Variants in IFT43 observed in about 807,000 individuals in gnomAD.
IFT43 encodes intraflagellar transport 43.
Under a neutral mutation model 32.3 loss-of-function variants are expected in IFT43, and 33 were observed. The observed-to-expected ratio is 1.02, with a 90% CI of 0.77 to 1.37. IFT43 has a LOEUF of 1.37. IFT43 is among the 40% of genes most tolerant of loss of function. IFT43 has a pLI of 0.00. For synonymous variants in IFT43, 93 were observed against 98.2 expected, an observed-to-expected ratio of 0.95 and a Z score of 0.31; for missense variants, 274 against 265.9, an observed-to-expected ratio of 1.03 and a Z score of -0.21.
At position 76,006,260 on chromosome 14, in the gene IFT43, G is replaced by A. The variant is rs568009244; in HGVS notation, c.148-16067G>A. Among the ~76,000 whole-genome samples, 10 of 152,312 alleles carry A rather than the reference G, an allele frequency of 6.6e-5. No individual in the cohort carries two copies. The East Asian group carries it at 9.7e-4, about 15-fold the overall frequency. The stretch of plus-strand genomic sequence containing the variant: ...AAAGGCCTCTAGAGTTAGAGAGGTC[G>A]GCAGTGTGCTGTTTCAAGGGCAGGA... On this transcript the variant is annotated intron_variant, in intron 2 of 8. Transcript: ENST00000314067.
At chr14:76,040,376 A>G (rs2036684333) in intron 3 of IFT43, among the ~76,000 whole-genome samples, 1 of 152,232 alleles carries the variant, frequency 6.6e-6, no homozygotes, top group African/African-American at 2.4e-5. Context: ...TTGTGTATTC[A>G]TGTGATAGTA....
intron 5 of IFT43, among the ~76,000 whole-genome samples, chr14:76,067,603 G>A (rs79578421): frequency 1.6e-4 from 25 of 151,858 alleles, no homozygotes; most frequent in Non-Finnish European, 2.9e-4. Context: ...GAGAGAAGGC[G>A]CTTTGAAGAT....
At chr14:76,058,918 G>T in intron 4 of IFT43, 1 of 1,454,636 alleles carries the variant, frequency 6.9e-7, no homozygotes. Context: ...ATATGTCCAG[G>T]TATCAGGGTA....
chr14:76,077,347 G>T (rs1423063214), intron 5 of IFT43, among the ~76,000 whole-genome samples: 4 of 152,174 alleles, frequency 2.6e-5, no homozygotes, highest in Admixed American at 2.6e-4. Context: ...GGCAGCTTTA[G>T]GACTCAGTAG....
At chr14:76,035,002 A>G (rs760460317) in intron 3 of IFT43, among the ~76,000 whole-genome samples, 17 of 152,236 alleles carry the variant, frequency 1.1e-4, no homozygotes, top group Non-Finnish European at 2.4e-4. Flanking sequence ...GTTTTGTCTC[A>G]AAGTGTCTGT....
At chr14:76,055,993 GCTAAAAAGTTAAA>G (rs932880708) in intron 3 of IFT43, among the ~76,000 whole-genome samples, 1 of 152,098 alleles carries the variant, frequency 6.6e-6, no homozygotes, top group Non-Finnish European at 1.5e-5. Flanking sequence ...GTATTGCCAG[GCTAAAAAGTTAAA>G]CTAAAAAGTT....
At chr14:76,013,977 C>A in intron 2 of IFT43, 1 of 236,524 alleles carries the variant, frequency 4.2e-6, no homozygotes, top group Admixed American at 5.2e-5. Flanking sequence ...AGCCAGCAAC[C>A]AAAACTGACC....
chr14:76,061,802 A>G (rs1403545051), intron 5 of IFT43, among the ~76,000 whole-genome samples: 1 of 152,014 alleles, frequency 6.6e-6, no homozygotes, highest in East Asian at 1.9e-4. Flanking sequence ...TTTTTTTCAG[A>G]TTATGGCATA....
intron 2 of IFT43, among the ~76,000 whole-genome samples, chr14:76,019,032 T>G (rs2036241773): frequency 6.6e-6 from 1 of 152,106 alleles, no homozygotes; most frequent in Non-Finnish European, 1.5e-5. Context: ...AAGGACTTAT[T>G]TCTGCCATTT....
chr14:76,030,949 A>T (rs949176754), intron 3 of IFT43, among the ~76,000 whole-genome samples: 2 of 151,258 alleles, frequency 1.3e-5, no homozygotes, highest in Non-Finnish European at 2.9e-5. Context: ...CGTCCATCCC[A>T]TATAGGCAGT....
chr14:76,054,420 AGTGTTTG>A (rs1431735709), intron 3 of IFT43, among the ~76,000 whole-genome samples: 1 of 152,216 alleles, frequency 6.6e-6, no homozygotes, highest in East Asian at 1.9e-4. Flanking sequence ...CTTGAGGCAA[AGTGTTTG>A]GAATCTAGGG....
At chr14:76,075,535 T>C (rs1052701809) in intron 5 of IFT43, among the ~76,000 whole-genome samples, 2 of 152,236 alleles carry the variant, frequency 1.3e-5, no homozygotes, top group African/African-American at 4.8e-5. Flanking sequence ...TGAGATCCAC[T>C]AATTAAAGCC....
rs377191428 is a variant in IFT43, at chr14:76,082,317, G to C, written c.318G>C (p.Leu106=). ...CAGATATTCCTATCATTCCGGATCT[G>C]GAGGAAGTACAGGAAGAAGACTTTG... is the stretch of plus-strand genomic sequence containing the variant. The part of the protein sequence containing the change: ...YGGDIPIIPD[L]EEVQEEDFVL... The change falls in exon 6 of 9, where the codon CTG becomes CTC. Residue 106 remains leucine, a synonymous_variant. Coordinates refer to ENST00000314067, the MANE Select transcript of IFT43 (RefSeq NM_001102564.3). 1.2e-6 allele frequency: 2 copies of C among 1,613,912 alleles called. No homozygotes were observed. Among genetic ancestry groups the C allele is most frequent in the Non-Finnish European group, 1.7e-6 (2 of 1,179,880 alleles).
At chr14:76,019,889 C>T (rs2036257962) in intron 2 of IFT43, among the ~76,000 whole-genome samples, 1 of 151,706 alleles carries the variant, frequency 6.6e-6, no homozygotes, top group Admixed American at 6.6e-5. Context: ...TTCTTCAGTT[C>T]CAGGATTTCT....
Position 75,986,012 on chromosome 14 carries a change from G to A in IFT43, c.54+172G>A, listed in dbSNP as rs1421287336. 3.3e-6 allele frequency: 5 copies of A among 1,525,290 alleles called. No individual in the cohort carries two copies. The East Asian group carries it at 1.2e-4, about 38-fold the overall frequency. 94.5% of individuals were successfully genotyped at this position (1,525,290 alleles called of 1,614,324 possible). On this transcript the variant is annotated intron_variant, in intron 1 of 8. Coordinates refer to ENST00000314067, the MANE Select transcript of IFT43 (RefSeq NM_001102564.3). ...CCGCCCCCAGGCCACTGTGGGCTCC[G>A]CCGCTGCTGGCCTGGGGTTTGCTTT... is the stretch of plus-strand genomic sequence containing the variant.
chr14:75,998,390 G>A (rs1224365873), intron 2 of IFT43, among the ~76,000 whole-genome samples: 1 of 152,156 alleles, frequency 6.6e-6, no homozygotes, highest in African/African-American at 2.4e-5. Context: ...TAGCATTGAG[G>A]TGCTAAATGG....
intron 5 of IFT43, among the ~76,000 whole-genome samples, chr14:76,071,365 A>G (rs757570818): frequency 3.3e-5 from 5 of 152,224 alleles, no homozygotes; most frequent in Non-Finnish European, 7.3e-5. Flanking sequence ...TCACAATTCT[A>G]AGGAGACACA....
chr14:75,993,996 A>G (rs143054331), intron 2 of IFT43, among the ~76,000 whole-genome samples: 26 of 152,096 alleles, frequency 1.7e-4, no homozygotes, highest in African/African-American at 5.1e-4. Context: ...ACATTACCAC[A>G]CCATAGCATC....
At chr14:76,080,018 T>G (rs2037481246) in intron 5 of IFT43, among the ~76,000 whole-genome samples, 1 of 152,152 alleles carries the variant, frequency 6.6e-6, no homozygotes, top group Admixed American at 6.5e-5. Context: ...TTGCCTGTGA[T>G]TGTAAATCAG....
Sources: gnomAD v4.1 joint callset for allele counts (sites outside exome capture counted in the v4.1 genomes callset) on GRCh38, gnomAD v4.1.1 for gene constraint, MANE v1.5 for transcripts, NCBI Gene and HGNC (gene_info 2026-07-23, HGNC 2026-07-21) for gene names.